NWD2: variants seen among roughly 807,000 people sequenced by gnomAD.
NWD2 encodes NACHT and WD repeat domain containing 2.
NWD2 carries 37 observed loss-of-function variants against 132.7 expected under a neutral mutation model. That is an observed-to-expected ratio of 0.28 (90% CI 0.21 to 0.37). NWD2 has a LOEUF of 0.37. Among genes scored for constraint, NWD2 ranks in the 10% least tolerant of loss-of-function variants. The pLI is 1.00. For missense variants in NWD2, 1,592 were observed against 2,122.4 expected (o/e 0.75, Z 4.91); for synonymous variants, 705 against 803.0 (o/e 0.88, Z 2.06).
intron 1 of NWD2, among the ~76,000 whole-genome samples, chr4:37,314,988 C>T (rs561551560): frequency 2.0e-5 from 3 of 151,962 alleles, no homozygotes; most frequent in Admixed American, 6.6e-5. Context: ...TTTTGTTTTC[C>T]TTTGTGAATT....
intron 3 of NWD2, among the ~76,000 whole-genome samples, chr4:37,365,372 A>T (rs1387281966): frequency 6.6e-6 from 1 of 152,210 alleles, no homozygotes; most frequent in African/African-American, 2.4e-5. Context: ...CTTTATAAGT[A>T]CAGTTCTACC....
intron 2 of NWD2, among the ~76,000 whole-genome samples, chr4:37,330,169 A>G (rs752492359): frequency 4.7e-4 from 72 of 152,290 alleles, no homozygotes; most frequent in Non-Finnish European, 7.8e-4. Flanking sequence ...TTTCATTTGA[A>G]CTAAGATATT....
intron 2 of NWD2, among the ~76,000 whole-genome samples, chr4:37,355,087 G>C (rs937808189): frequency 6.6e-6 from 1 of 152,130 alleles, no homozygotes; most frequent in Non-Finnish European, 1.5e-5. Context: ...CCAGTATGGG[G>C]CTACTGAGCA....
chr4:37,296,026 A>G lies in NWD2; in HGVS notation c.152-29910A>G, dbSNP rs138754142. Among the ~76,000 whole-genome samples, 741 of 152,292 alleles carry G rather than the reference A, an allele frequency of 4.9e-3. 4 individuals are homozygous for G. Among genetic ancestry groups the G allele is most frequent in the African/African-American group, 0.017 (689 of 41,558 alleles). On this transcript the variant is annotated intron_variant, in intron 1 of 6. Coordinates refer to ENST00000309447, the MANE Select transcript of NWD2 (RefSeq NM_001144990.2). ...GTAAAATTTGAGTCCCCTGACATGCACACATTCCCAACTGAGTGGAACAAG... is the reference window on the plus strand; with the variant it reads ...GTAAAATTTGAGTCCCCTGACATGCGCACATTCCCAACTGAGTGGAACAAG...
chr4:37,370,212 T>C (rs1477716115), intron 3 of NWD2, among the ~76,000 whole-genome samples: 1 of 152,218 alleles, frequency 6.6e-6, no homozygotes, highest in Non-Finnish European at 1.5e-5. Flanking sequence ...AACTGTTTAA[T>C]TTTGACTGGA....
chr4:37,256,590 CCA>C (rs1331255191), intron 1 of NWD2, among the ~76,000 whole-genome samples: 1 of 152,102 alleles, frequency 6.6e-6, no homozygotes, highest in East Asian at 1.9e-4. Context: ...GGAAAGTTAA[CCA>C]CAGTTATCAA....
chr4:37,245,563 TA>T (rs1167411905), intron 1 of NWD2, among the ~76,000 whole-genome samples: 7 of 142,320 alleles, frequency 4.9e-5, no homozygotes, highest in African/African-American at 1.8e-4. Flanking sequence ...TTTTTTTTTT[TA>T]AAGCGGTTTC....
intron 2 of NWD2, among the ~76,000 whole-genome samples, chr4:37,349,702 T>A (rs571735887): frequency 6.6e-6 from 1 of 152,362 alleles, no homozygotes; most frequent in African/African-American, 2.4e-5. Flanking sequence ...AGATCCTATT[T>A]GTCAATTTTG....
intron 3 of NWD2, among the ~76,000 whole-genome samples, chr4:37,359,781 G>C (rs1016636203): frequency 1.3e-5 from 2 of 152,100 alleles, no homozygotes; most frequent in African/African-American, 4.8e-5. Flanking sequence ...TTTCCTATAA[G>C]TTGTCATTTA....
chr4:37,433,229 C>A (rs1712226506), intron 4 of NWD2, among the ~76,000 whole-genome samples: 1 of 152,150 alleles, frequency 6.6e-6, no homozygotes, highest in Non-Finnish European at 1.5e-5. Context: ...TAGCAAAGAA[C>A]CTGATACCCC....
At chr4:37,417,732 T>C (rs908049678) in intron 3 of NWD2, among the ~76,000 whole-genome samples, 1 of 152,054 alleles carries the variant, frequency 6.6e-6, no homozygotes, top group Non-Finnish European at 1.5e-5. Flanking sequence ...AATTGAACAA[T>C]TAAGTAATTG....
chr4:37,421,002 C>CT (rs1431430211), intron 3 of NWD2, among the ~76,000 whole-genome samples: 1 of 152,098 alleles, frequency 6.6e-6, no homozygotes, highest in East Asian at 1.9e-4. Context: ...AGACATTTCA[C>CT]TTTTTTTCGG....
At chr4:37,282,981 A>G (rs1718159034) in intron 1 of NWD2, among the ~76,000 whole-genome samples, 1 of 152,148 alleles carries the variant, frequency 6.6e-6, no homozygotes. Flanking sequence ...GGGGACACTG[A>G]AGCTTAAACT....
At chr4:37,376,845 A>G (rs1431982909) in intron 3 of NWD2, among the ~76,000 whole-genome samples, 1 of 152,104 alleles carries the variant, frequency 6.6e-6, no homozygotes, top group Non-Finnish European at 1.5e-5. Context: ...TTATTCTCCC[A>G]CAATATATTG....
chr4:37,290,329 A>T (rs1178070397), intron 1 of NWD2, among the ~76,000 whole-genome samples: 1 of 152,180 alleles, frequency 6.6e-6, no homozygotes, highest in African/African-American at 2.4e-5. Context: ...GTATTGGGCC[A>T]CTACTATGTA....
chr4:37,443,636 C>G lies in NWD2; in HGVS notation c.1648C>G (p.His550Asp). The change falls in exon 7 of 7, where the codon CAT becomes GAT. Residue 550 changes from histidine (H) to aspartate (D), a missense_variant. By Grantham distance (81) the His-to-Asp change is moderately conservative. Around this residue, in one of 7 missense-constraint regions of NWD2, gnomAD observed 1,071 missense variants for 1,398.0 expected, o/e 0.77. Transcript: ENST00000309447. This position sits in a 1 kb window ranked among gnomAD's most constrained non-coding sequence, Gnocchi z 4.1. ...RIVLSTLPNK[H>D]GILQKLRCLI... ...AGTCCTTTCCACGCTGCCCAACAAA[C>G]ATGGGATCTTGCAGAAACTAAGGTG... 1 of 1,552,056 alleles carries G rather than the reference C, an allele frequency of 6.4e-7. No homozygotes were observed. The highest frequency in any genetic ancestry group is 8.7e-7 in the Non-Finnish European group (1 of 1,147,086).
intron 3 of NWD2, among the ~76,000 whole-genome samples, chr4:37,404,519 G>C (rs1720957545): frequency 6.6e-6 from 1 of 152,098 alleles, no homozygotes; most frequent in African/African-American, 2.4e-5. Flanking sequence ...TGAAGTCTGT[G>C]AGCCCTTACA....
intron 1 of NWD2, among the ~76,000 whole-genome samples, chr4:37,254,045 T>C (rs1264499868): frequency 6.6e-6 from 1 of 151,956 alleles, no homozygotes; most frequent in Non-Finnish European, 1.5e-5. Context: ...ACTGGGGCGT[T>C]TTGGAGGGTG....
chr4:37,406,307 C>A (rs147684075), intron 3 of NWD2, among the ~76,000 whole-genome samples: 4 of 152,110 alleles, frequency 2.6e-5, no homozygotes, highest in Admixed American at 2.6e-4. Context: ...TTTCTAACAG[C>A]GAGTCACAGA....
Sources: allele counts gnomAD v4.1 joint callset (sites outside exome capture counted in the v4.1 genomes callset), GRCh38; gene constraint gnomAD v4.1.1; regional missense constraint gnomAD v4.1.1; non-coding constraint Gnocchi (gnomAD v3.1); transcripts MANE v1.5; gene names NCBI Gene and HGNC (gene_info 2026-07-23, HGNC 2026-07-21).